AGR3: variants seen among roughly 807,000 people sequenced by gnomAD.
The protein encoded by AGR3 is anterior gradient 3, protein disulphide isomerase family member, also known as anterior gradient protein 3.
In AGR3, 37 loss-of-function variants were observed where a neutral mutation model predicts 24.5. That is an observed-to-expected ratio of 1.51 (90% CI 1.16 to 1.99). AGR3 has a LOEUF of 1.99. AGR3 is among the 30% of genes most tolerant of loss of function. AGR3 has a pLI of 0.00. For synonymous variants in AGR3, 75 were observed against 61.6 expected (o/e 1.22, Z -1.02); for missense variants, 228 against 191.1 (o/e 1.19, Z -1.14).
At chr7:16,863,724 T>C (rs1367524558) in intron 3 of AGR3, among the ~76,000 whole-genome samples, 1 of 151,932 alleles carries the variant, frequency 6.6e-6, no homozygotes, top group African/African-American at 2.4e-5. Context: ...ACTGTTCTTT[T>C]ATATTATATT....
intron 3 of AGR3, 136 bp from the exon 4 acceptor site, chr7:16,862,798 A>T: frequency 1.7e-6 from 1 of 581,426 alleles, no homozygotes; most frequent in Non-Finnish European, 3.0e-6. Flanking sequence ...ATAGCACTAT[A>T]GTCAATAGCA....
chr7:16,858,088 A>G (rs1403418001), downstream of AGR3, among the ~76,000 whole-genome samples: 3 of 151,862 alleles, frequency 2.0e-5, no homozygotes, highest in Admixed American at 1.3e-4. Flanking sequence ...CCCAGGTTCA[A>G]GTGATTCTCC....
chr7:16,878,610 T>G lies in AGR3; in HGVS notation c.9A>C (p.Leu3=), dbSNP rs1782040796. The G allele has an allele frequency of 1.9e-6, 3 of 1,613,802 alleles. No homozygotes were observed. In the South Asian group the frequency reaches 3.3e-5, roughly 18 times the overall value. The part of the protein sequence containing the change: MM[L]HSALGLCLLL... Reference sequence around the variant, plus strand: ...AGAGGCAGAGACCCAAAGCTGAGTGTAGCATCATGTCTTCTAGAGACTCTC... The same window carrying G: ...AGAGGCAGAGACCCAAAGCTGAGTGGAGCATCATGTCTTCTAGAGACTCTC... Residue 3 remains leucine (L), a synonymous_variant, in exon 2 of 8, where the codon CTA becomes CTC. Coordinates refer to ENST00000310398, the MANE Select transcript of AGR3 (RefSeq NM_176813.5).
intron 3 of AGR3, among the ~76,000 whole-genome samples, chr7:16,867,992 AG>A (rs1374944850): frequency 2.0e-5 from 3 of 152,278 alleles, no homozygotes; most frequent in African/African-American, 7.2e-5. Flanking sequence ...ACAGTGTAAA[AG>A]GGTTCTCTTT....
intron 3 of AGR3, among the ~76,000 whole-genome samples, chr7:16,872,876 A>C (rs1157736079): frequency 2.0e-5 from 3 of 152,214 alleles, no homozygotes; most frequent in Non-Finnish European, 2.9e-5. Context: ...ATCATCGGGG[A>C]AAGGCAGATC....
chr7:16,860,076 C>G (rs187631017), intron 7 of AGR3, among the ~76,000 whole-genome samples: 12 of 145,192 alleles, frequency 8.3e-5, no homozygotes, highest in African/African-American at 2.3e-4. Flanking sequence ...GGCAACATAC[C>G]AAGACCCTGT....
At chr7:16,872,265 A>G (rs1036296308) in intron 3 of AGR3, among the ~76,000 whole-genome samples, 2 of 152,218 alleles carry the variant, frequency 1.3e-5, no homozygotes, top group South Asian at 2.1e-4. Context: ...AGAAACCTAG[A>G]CCAATGGAAT....
In AGR3 at chr7:16,861,911, A is replaced by G. The variant is rs997596544; in HGVS notation, c.303+73T>C. ...GCGAGACTCTGTCTAAAAAAAAAAAAAAAAAAGAAAAAAACGGATTCAAAA... is the reference window on the plus strand; with the variant it reads ...GCGAGACTCTGTCTAAAAAAAAAAAGAAAAAAGAAAAAAACGGATTCAAAA... On this transcript the variant is annotated intron_variant, in intron 5 of 7. Transcript: ENST00000310398. 15 of 1,384,068 alleles carry G rather than the reference A, an allele frequency of 1.1e-5. No homozygotes were observed. The African/African-American group carries it at 1.3e-4, about 12-fold the overall frequency. The allele number at this position is 1,384,068 out of a possible 1,614,324, so 85.7% of individuals were successfully genotyped here.
downstream of AGR3, chr7:16,859,378 C>T (rs1583833002): frequency 2.1e-6 from 1 of 475,920 alleles, no homozygotes; most frequent in East Asian, 4.0e-5. Context: ...TTCTTTGCTA[C>T]TGATGAGGCA....
intron 3 of AGR3, among the ~76,000 whole-genome samples, chr7:16,868,709 TG>T (rs1562548270): frequency 1.3e-5 from 2 of 152,096 alleles, no homozygotes; most frequent in African/African-American, 4.8e-5. Flanking sequence ...TGAGGTCATA[TG>T]AAAAAAAATC....
At chr7:16,880,480 T>C (rs1160997878) in intron 1 of AGR3, among the ~76,000 whole-genome samples, 1 of 37,704 alleles carries the variant, frequency 2.7e-5, no homozygotes, top group Non-Finnish European at 6.3e-5. Context: ...CTCCCCTCCT[T>C]TCCCCTCCTT....
At chr7:16,868,266 C>T (rs1275371912) in intron 3 of AGR3, among the ~76,000 whole-genome samples, 4 of 152,042 alleles carry the variant, frequency 2.6e-5, no homozygotes, top group African/African-American at 9.7e-5. Context: ...AGTGATTGTC[C>T]TGCCTCAGAC....
At chr7:16,862,982 A>C (rs1781678749) in intron 3 of AGR3, among the ~76,000 whole-genome samples, 1 of 152,184 alleles carries the variant, frequency 6.6e-6, no homozygotes, top group Non-Finnish European at 1.5e-5. Context: ...GAGACATGAG[A>C]ATCGCTTGAA....
intron 1 of AGR3, among the ~76,000 whole-genome samples, chr7:16,881,691 T>C (rs977783776): frequency 6.6e-6 from 1 of 152,208 alleles, no homozygotes; most frequent in African/African-American, 2.4e-5. Flanking sequence ...AGAGCTATCA[T>C]TACTTGTAGA....
rs1439846447 is a variant in AGR3 at position 16,881,981 on chromosome 7, G to T, written c.-65C>A. On this transcript the variant is annotated 5_prime_UTR_variant, in exon 1 of 8. Transcript: ENST00000310398. ...GTGCTCTTGTTGGAAATGTATTCTG[G>T]ATGTTTCTGGTTAAAAATGGGTGTG... The T allele has an allele frequency of 2.1e-6, 1 of 470,888 alleles. No individual in the cohort carries two copies. Among genetic ancestry groups the T allele is most frequent in the East Asian group, 7.0e-5 (1 of 14,386 alleles). The allele number at this position is 470,888 out of a possible 1,614,324, so 29.2% of individuals were successfully genotyped here.
At chr7:16,864,904 C>T in intron 3 of AGR3, 14 of 899,298 alleles carry the variant, frequency 1.6e-5, no homozygotes, top group Middle Eastern at 2.9e-4. Context: ...TTCACTGGCT[C>T]TCACAATATC....
rs556581642 is a variant in AGR3 at position 16,864,642 on chromosome 7, G to T, written c.174-1980C>A. The T allele has an allele frequency of 3.9e-5, 61 of 1,575,312 alleles. 1 individual carries two copies. The highest frequency in any genetic ancestry group is 3.1e-4 in the South Asian group (28 of 90,192). On this transcript the variant is annotated intron_variant, in intron 3 of 7. Coordinates refer to ENST00000310398, the MANE Select transcript of AGR3 (RefSeq NM_176813.5). ...GGTATGGCAGTAGCTGAGTTTGGAG[G>T]CATAAAGCTGGTAGGCAGAAGTCAG...
chr7:16,879,648 A>G (rs1782064340), intron 1 of AGR3, among the ~76,000 whole-genome samples: 1 of 152,248 alleles, frequency 6.6e-6, no homozygotes, highest in Admixed American at 6.5e-5. Flanking sequence ...TATTGAACTC[A>G]TCACCAAAAT....
At chr7:16,866,234 A>T (rs1018717144) in intron 3 of AGR3, 17 of 522,524 alleles carry the variant, frequency 3.3e-5, no homozygotes, top group Non-Finnish European at 6.2e-5. Flanking sequence ...ACTCTAGAAA[A>T]TCATTGAATG....
Sources: allele counts gnomAD v4.1 joint callset (sites outside exome capture counted in the v4.1 genomes callset), GRCh38; gene constraint gnomAD v4.1.1; transcripts MANE v1.5; gene names NCBI Gene and HGNC (gene_info 2026-07-23, HGNC 2026-07-21).